Variants in PRKG1 observed in about 807,000 individuals in gnomAD.
PRKG1 encodes cGMP-dependent protein kinase 1.
A neutral mutation model predicts 88.1 loss-of-function variants in PRKG1; 35 were observed. The ratio of observed to expected loss-of-function variants is 0.40; its 90% CI spans 0.30 to 0.53. PRKG1 has a LOEUF of 0.53. Among genes scored for constraint, PRKG1 ranks in the 20% least tolerant of loss-of-function variants. PRKG1 has a pLI of 0.59. For synonymous variants in PRKG1, 303 were observed against 292.5 expected (o/e 1.04, Z -0.37); for missense variants, 540 against 839.8 (o/e 0.64, Z 4.41).
In PRKG1 at chr10:52,270,421, G is replaced by A. The variant is rs559362710; in HGVS notation, c.1174-929G>A. Among the ~76,000 whole-genome samples the A allele has an allele frequency of 1.1e-4, 16 of 152,116 alleles. No individual in the cohort carries two copies. In the East Asian group the frequency reaches 1.9e-3, roughly 18 times the overall value. Reference sequence around the variant, plus strand: ...TGCTGCTATAAAGACACATGCACACGTATGTTTATTGCGGCACTATTCACA... The same window carrying A: ...TGCTGCTATAAAGACACATGCACACATATGTTTATTGCGGCACTATTCACA... On this transcript the variant is annotated intron_variant, in intron 10 of 17. Coordinates refer to ENST00000373980, the MANE Select transcript of PRKG1 (RefSeq NM_006258.4).
At chr10:51,992,759 A>G (rs958800900) in intron 5 of PRKG1, among the ~76,000 whole-genome samples, 2 of 152,226 alleles carry the variant, frequency 1.3e-5, no homozygotes, top group Non-Finnish European at 2.9e-5. Context: ...GCATGCAAAT[A>G]TATGCATATG....
At chr10:52,241,588 T>A (rs1053609230) in intron 9 of PRKG1, among the ~76,000 whole-genome samples, 1 of 152,168 alleles carries the variant, frequency 6.6e-6, no homozygotes, top group Non-Finnish European at 1.5e-5. Context: ...CATGACTATA[T>A]CCCTAAGCCT....
At chr10:52,260,851 ACACT>A (rs1276774472) in intron 10 of PRKG1, among the ~76,000 whole-genome samples, 2 of 152,082 alleles carry the variant, frequency 1.3e-5, no homozygotes, top group Admixed American at 6.6e-5. Flanking sequence ...GAATGAGAAG[ACACT>A]CAAAGTAGGT....
intron 3 of PRKG1, among the ~76,000 whole-genome samples, chr10:51,563,112 T>C (rs188087604): frequency 2.1e-3 from 313 of 152,098 alleles, no homozygotes; most frequent in Non-Finnish European, 3.1e-3. Flanking sequence ...CTTCAGAAAA[T>C]GGTTTTGCTT....
At chr10:51,544,508 G>A (rs1232128042) in intron 3 of PRKG1, among the ~76,000 whole-genome samples, 4 of 151,844 alleles carry the variant, frequency 2.6e-5, no homozygotes, top group Admixed American at 2.6e-4. Flanking sequence ...TAGTGCCACA[G>A]TAAACATACG....
At chr10:51,281,412 A>G (rs1292990893) in intron 2 of PRKG1, among the ~76,000 whole-genome samples, 1 of 152,102 alleles carries the variant, frequency 6.6e-6, no homozygotes, top group Non-Finnish European at 1.5e-5. Flanking sequence ...ACAGGAGGAG[A>G]TTATATCCTG....
intron 3 of PRKG1, among the ~76,000 whole-genome samples, chr10:51,474,155 T>A (rs1840129072): frequency 6.6e-6 from 1 of 151,918 alleles, no homozygotes; most frequent in South Asian, 2.1e-4. Flanking sequence ...GTTACCCCCA[T>A]TTTATTGCAA....
chr10:51,980,167 T>C (rs1843969920), intron 5 of PRKG1, among the ~76,000 whole-genome samples: 1 of 152,208 alleles, frequency 6.6e-6, no homozygotes, highest in Non-Finnish European at 1.5e-5. Context: ...CCAGAGATTC[T>C]GGTTGGTTGT....
intron 4 of PRKG1, among the ~76,000 whole-genome samples, chr10:51,832,567 C>G (rs79576085): frequency 0.043 from 6,514 of 151,580 alleles, 287 homozygotes; most frequent in African/African-American, 0.11. Flanking sequence ...TTTTTTCCAC[C>G]CTCTGTAGGT....
intron 3 of PRKG1, among the ~76,000 whole-genome samples, chr10:51,779,223 A>G (rs1429601722): frequency 6.6e-6 from 1 of 152,258 alleles, no homozygotes; most frequent in African/African-American, 2.4e-5. Flanking sequence ...AGAATTCCTT[A>G]TATGGTTTGG....
intron 3 of PRKG1, among the ~76,000 whole-genome samples, chr10:51,779,855 T>C (rs1320173465): frequency 6.6e-6 from 1 of 152,166 alleles, no homozygotes; most frequent in Non-Finnish European, 1.5e-5. Flanking sequence ...TTCCTGGTTA[T>C]TGATTTTGAT....
intron 2 of PRKG1, among the ~76,000 whole-genome samples, chr10:51,296,576 T>A (rs1321650139): frequency 6.6e-6 from 1 of 152,066 alleles, no homozygotes; most frequent in African/African-American, 2.4e-5. Flanking sequence ...CCATTTTTTC[T>A]TATTAGCCTA....
intron 1 of PRKG1, among the ~76,000 whole-genome samples, chr10:51,078,385 ATTTTTTT>A (rs34894735): frequency 2.3e-5 from 2 of 85,730 alleles, no homozygotes; most frequent in Non-Finnish European, 4.6e-5. Flanking sequence ...ATGCCTGGCT[ATTTTTTT>A]TTTTTTTTTT....
chr10:51,161,858 G>T (rs567039427), intron 2 of PRKG1, among the ~76,000 whole-genome samples: 1 of 152,220 alleles, frequency 6.6e-6, no homozygotes, highest in African/African-American at 2.4e-5. Context: ...AAAGTAAAAA[G>T]TGAGAAAAAA....
intron 5 of PRKG1, chr10:51,908,734 A>ATATATATATATATTT (rs563212069): frequency 6.5e-4 from 34 of 52,224 alleles, no homozygotes; most frequent in East Asian, 3.4e-3. Context: ...TCTATATGTA[A>ATATATATATATATTT]TTTTTTTTTT....
chr10:51,817,334 C>G (rs1839613631), intron 4 of PRKG1, among the ~76,000 whole-genome samples: 1 of 131,548 alleles, frequency 7.6e-6, no homozygotes, highest in Non-Finnish European at 1.6e-5. Context: ...TCTCCTAGTG[C>G]TATCCCTCCC....
chr10:51,554,741 G>T (rs1359036109), intron 3 of PRKG1, among the ~76,000 whole-genome samples: 1 of 151,626 alleles, frequency 6.6e-6, no homozygotes, highest in Non-Finnish European at 1.5e-5. Context: ...AGGTGCCCAG[G>T]GCTGTCCTTG....
At chr10:51,521,958 T>C (rs889404129) in intron 3 of PRKG1, among the ~76,000 whole-genome samples, 1 of 152,208 alleles carries the variant, frequency 6.6e-6, no homozygotes, top group East Asian at 1.9e-4. Context: ...ATTAATATAC[T>C]TCTAATACAG....
At chr10:51,756,484 CA>C (rs55967411) in intron 3 of PRKG1, among the ~76,000 whole-genome samples, 3,329 of 107,894 alleles carry the variant, frequency 0.031, 41 homozygotes, top group Non-Finnish European at 0.038. Context: ...GAGACTGTCT[CA>C]AAAAAAAAAA....
Sources: allele counts gnomAD v4.1 joint callset (sites outside exome capture counted in the v4.1 genomes callset), GRCh38; gene constraint gnomAD v4.1.1; transcripts MANE v1.5; gene names NCBI Gene and HGNC (gene_info 2026-07-23, HGNC 2026-07-21).